The following UBN2 variants were observed in gnomAD, a reference collection of about 807,000 sequenced individuals.
UBN2 encodes ubinuclein 2.
Under a neutral mutation model 120.2 loss-of-function variants are expected in UBN2, and 35 were observed. The ratio of observed to expected loss-of-function variants is 0.29; its 90% CI spans 0.22 to 0.39. UBN2 has a LOEUF of 0.39. Among genes scored for constraint, UBN2 ranks in the 10% least tolerant of loss-of-function variants. The pLI is 1.00. For missense variants in UBN2, 1,693 were observed against 1,663.2 expected (o/e 1.02, Z -0.31); for synonymous variants, 661 against 648.7 (o/e 1.02, Z -0.29).
intron 15 of UBN2, among the ~76,000 whole-genome samples, chr7:139,284,858 A>T (rs1372900527): frequency 6.6e-6 from 1 of 152,132 alleles, no homozygotes; most frequent in African/African-American, 2.4e-5. Flanking sequence ...CCATCACTAA[A>T]TCAACTTTAA....
At chr7:139,236,392 C>G (rs1212592467) in intron 1 of UBN2, among the ~76,000 whole-genome samples, 1 of 152,164 alleles carries the variant, frequency 6.6e-6, no homozygotes, top group South Asian at 2.1e-4. Flanking sequence ...TGATATTGGA[C>G]CTCAACAGAA....
At position 139,297,850 on chromosome 7, in the gene UBN2, A is replaced by C. The variant is rs997856214; in HGVS notation, c.*14A>C. The C allele has an allele frequency of 1.2e-5, 20 of 1,614,046 alleles. No homozygotes were observed. Among genetic ancestry groups the C allele is most frequent in the Non-Finnish European group, 1.5e-5 (18 of 1,179,926 alleles). On this transcript the variant is annotated 3_prime_UTR_variant, in exon 18 of 18. Transcript: ENST00000473989. Reference sequence around the variant, plus strand: ...AAATCTCAGTGACTGCCCAGCAAGCAAAGGAGACGAAATGTTTAGTTGACT... The same window carrying C: ...AAATCTCAGTGACTGCCCAGCAAGCCAAGGAGACGAAATGTTTAGTTGACT...
intron 15 of UBN2, among the ~76,000 whole-genome samples, chr7:139,292,633 A>G (rs1469170948): frequency 2.0e-5 from 3 of 152,228 alleles, no homozygotes; most frequent in Non-Finnish European, 1.5e-5. Context: ...CAGTGTGGTT[A>G]TAAAAAAATA....
At chr7:139,320,866 AAAAC>A in the UBN2 span, among the ~76,000 whole-genome samples, 20 of 152,090 alleles carry the variant, frequency 1.3e-4, no homozygotes, top group East Asian at 9.6e-4. Flanking sequence ...AAAAAAAAAA[AAAAC>A]AAACCATTCT....
At chr7:139,268,648 G>A (rs1305438917) in intron 7 of UBN2, among the ~76,000 whole-genome samples, 1 of 152,062 alleles carries the variant, frequency 6.6e-6, no homozygotes, top group Admixed American at 6.5e-5. Flanking sequence ...TTGAGACAGG[G>A]TGTCACTCTG....
chr7:139,295,291 G>C (rs550562945), intron 17 of UBN2, among the ~76,000 whole-genome samples: 3 of 152,258 alleles, frequency 2.0e-5, no homozygotes, highest in East Asian at 3.9e-4. Flanking sequence ...GGGTAACACA[G>C]AGTCGTGGCA....
chr7:139,276,284 A>G (rs1175003409), intron 12 of UBN2, 137 bp downstream of exon 12: 1 of 814,940 alleles, frequency 1.2e-6, no homozygotes, highest in South Asian at 1.5e-5. Flanking sequence ...AGACTTCAGA[A>G]CACATTTATC....
Position 139,268,323 on chromosome 7 carries a change from T to C in UBN2, c.1467-1071T>C, listed in dbSNP as rs1243272500. On this transcript the variant is annotated intron_variant, in intron 7 of 17. Transcript: ENST00000473989. ...TTTTTCCCTTTTAGTCACTTTCTTA[T>C]TCCCTCAGCCTCTTTTTCCGCTTTC... is the stretch of plus-strand genomic sequence containing the variant. Among the ~76,000 whole-genome samples the C allele has an allele frequency of 2.6e-5, 4 of 152,294 alleles. No homozygotes were observed. The South Asian group carries it at 6.2e-4, about 24-fold the overall frequency.
chr7:139,248,910 C>A (rs949071782), intron 2 of UBN2, among the ~76,000 whole-genome samples: 2 of 151,856 alleles, frequency 1.3e-5, no homozygotes, highest in Admixed American at 6.6e-5. Flanking sequence ...TGCAGACCTG[C>A]CAAAATGGGA....
chr7:139,310,091 A>G (rs943663392), downstream of UBN2, among the ~76,000 whole-genome samples: 1 of 152,164 alleles, frequency 6.6e-6, no homozygotes, highest in Non-Finnish European at 1.5e-5. Context: ...CTGTCTCATC[A>G]CTGGAAGAAG....
chr7:139,253,866 A>G (rs935894735), intron 3 of UBN2, among the ~76,000 whole-genome samples: 7 of 152,184 alleles, frequency 4.6e-5, no homozygotes, highest in Admixed American at 2.6e-4. Flanking sequence ...CCCACAAATT[A>G]TATATTATGT....
Position 139,269,407 on chromosome 7 carries a change from C to A in UBN2, c.1480C>A (p.Leu494Ile). Reference protein sequence around the residue: ...NNILLDIELQLQELGPVIRSG... With the variant: ...NNILLDIELQIQELGPVIRSG... ...TTTTTTGGCCAGCATTGAGTTACAGCTACAAGAACTAGGCCCTGTCATTCG... is the reference window on the plus strand; with the variant it reads ...TTTTTTGGCCAGCATTGAGTTACAGATACAAGAACTAGGCCCTGTCATTCG... Residue 494 changes from leucine (L) to isoleucine (I), a missense_variant, in exon 8 of 18, where the codon CTA becomes ATA. This residue lies in a region of UBN2 where 178 missense variants were observed against 204.0 expected (regional missense o/e 0.87). Coordinates refer to ENST00000473989, the MANE Select transcript of UBN2 (RefSeq NM_173569.4). 6.2e-7 allele frequency: 1 copy of A among 1,613,940 alleles called. No individual in the cohort carries two copies. Among genetic ancestry groups the A allele is most frequent in the Non-Finnish European group, 8.5e-7 (1 of 1,179,966 alleles).
In UBN2 at chr7:139,307,470, T is replaced by C. The variant is rs1798377910; in HGVS notation, c.*9634T>C. ...TTGTAAATATACCTGTCTCCCTTTT[T>C]TGTATTTTAGTAAAAAAAAAAAAAA... On this transcript the variant is annotated 3_prime_UTR_variant, in exon 18 of 18. Transcript: ENST00000473989. The C allele has an allele frequency of 6.6e-6, 1 of 151,216 alleles. No individual in the cohort carries two copies. Among genetic ancestry groups the C allele is most frequent in the Non-Finnish European group, 1.5e-5 (1 of 68,004 alleles). 9.4% of individuals were successfully genotyped at this position (151,216 alleles called of 1,614,324 possible). A position where few individuals can be genotyped will look rare whatever the true frequency, so the allele number is the denominator to read the frequency against.
chr7:139,293,149 T>A (rs1287097626), intron 15 of UBN2, 83 bp from the exon 16 acceptor site: 2 of 1,123,448 alleles, frequency 1.8e-6, no homozygotes, highest in East Asian at 4.7e-5. Flanking sequence ...GGCACAGTCT[T>A]GCATCTGTGA....
chr7:139,241,366 A>G (rs1308507089), intron 2 of UBN2, among the ~76,000 whole-genome samples: 1 of 152,204 alleles, frequency 6.6e-6, no homozygotes, highest in African/African-American at 2.4e-5. Context: ...TTGAATCTGA[A>G]TGACTCTCTG....
rs750551928 is a variant in UBN2 at position 139,266,326 on chromosome 7, T to C, written c.1396-7T>C. 2.6e-6 allele frequency: 4 copies of C among 1,567,868 alleles called. No individual in the cohort carries two copies. The East Asian group carries it at 6.7e-5, about 26-fold the overall frequency. ...TTGATTTATTATCATCTTTCTTGTTTCTTTAGGCTGCCAAACTTTTTGATG... is the reference window on the plus strand; with the variant it reads ...TTGATTTATTATCATCTTTCTTGTTCCTTTAGGCTGCCAAACTTTTTGATG... On this transcript the variant is annotated splice_polypyrimidine_tract_variant and splice_region_variant and intron_variant, in intron 6 of 17. Transcript: ENST00000473989.
chr7:139,234,216 C>T (rs1796104206), intron 1 of UBN2, among the ~76,000 whole-genome samples: 1 of 151,874 alleles, frequency 6.6e-6, no homozygotes, highest in Non-Finnish European at 1.5e-5. Flanking sequence ...GGAAGGGCTC[C>T]ACATTTTTGA....
At chr7:139,313,417 A>G in the UBN2 span, among the ~76,000 whole-genome samples, 5 of 152,298 alleles carry the variant, frequency 3.3e-5, no homozygotes, top group African/African-American at 9.6e-5. Context: ...AAGGAATGCT[A>G]TTGATCCTTT....
chr7:139,293,111 CACA>C (rs763687428), intron 15 of UBN2, 118 bp from the exon 16 acceptor site: 4 of 785,688 alleles, frequency 5.1e-6, no homozygotes, highest in South Asian at 1.8e-5. Context: ...GAGCCTGTCT[CACA>C]ACGTTTCTGT....
Sources: allele counts gnomAD v4.1 joint callset (sites outside exome capture counted in the v4.1 genomes callset), GRCh38; gene constraint gnomAD v4.1.1; regional missense constraint gnomAD v4.1.1; transcripts MANE v1.5; gene names NCBI Gene and HGNC (gene_info 2026-07-23, HGNC 2026-07-21).